The following ARHGEF18 variants were observed in gnomAD, a reference collection of about 807,000 sequenced individuals.
ARHGEF18 encodes the protein rho guanine nucleotide exchange factor 18.
In ARHGEF18, 93 loss-of-function variants were observed where a neutral mutation model predicts 155.7. The observed-to-expected ratio is 0.60, with a 90% CI of 0.50 to 0.71. ARHGEF18 has a LOEUF of 0.71. ARHGEF18 is among the 30% of genes least tolerant of loss of function. The pLI, the probability that ARHGEF18 is intolerant of heterozygous loss-of-function variation, is 0.00. For missense variants in ARHGEF18, 1,593 were observed against 1,816.1 expected (o/e 0.88, Z 2.23); for synonymous variants, 742 against 753.1 (o/e 0.99, Z 0.24).
intron 3 of ARHGEF18, among the ~76,000 whole-genome samples, chr19:7,374,691 GA>G (rs59225358): frequency 0.2 from 29,665 of 147,418 alleles, 6,669 homozygotes; most frequent in African/African-American, 0.55. Context: ...AAAAAAGGAA[GA>G]AAAAAAAATC....
chr19:7,473,398 C>T (rs1256678012), downstream of ARHGEF18: 3 of 421,866 alleles, frequency 7.1e-6, no homozygotes, highest in East Asian at 7.1e-5. Flanking sequence ...CACAGTGGCT[C>T]ATCCCTGTAA....
At chr19:7,447,333 CA>C (rs1357842115) in intron 15 of ARHGEF18, among the ~76,000 whole-genome samples, 165 bp downstream of exon 15, 8 of 151,286 alleles carry the variant, frequency 5.3e-5, no homozygotes, top group Non-Finnish European at 7.4e-5. Context: ...TATTAAAATA[CA>C]AAAAATTAGC....
chr19:7,414,088 G>A lies in ARHGEF18; in HGVS notation c.968-26256G>A, dbSNP rs555491116. ...CTAGATACTGTAGGCATTTGGGGCC[G>A]GATCATTCTTTGGGATGGGACCTAC... On this transcript the variant is annotated intron_variant, in intron 10 of 28. Coordinates refer to ENST00000668164, the MANE Select transcript of ARHGEF18 (RefSeq NM_001367823.1). Among the ~76,000 whole-genome samples the A allele has an allele frequency of 8.0e-4, 122 of 152,186 alleles. 1 individual carries two copies. Among genetic ancestry groups the A allele is most frequent in the Admixed American group, 5.9e-4 (9 of 15,272 alleles).
At chr19:7,390,551 G>GA (rs1456074415) in intron 10 of ARHGEF18, 1 of 144,578 alleles carries the variant, frequency 6.9e-6, no homozygotes, top group African/African-American at 2.5e-5. Flanking sequence ...AGAAAAGAAA[G>GA]AAAAATGATG....
intron 10 of ARHGEF18, among the ~76,000 whole-genome samples, chr19:7,416,578 T>TGTGTGTGTG (rs1555714166): frequency 6.0e-5 from 8 of 132,500 alleles, no homozygotes; most frequent in African/African-American, 9.1e-5. Flanking sequence ...TGTGTGTGTG[T>TGTGTGTGTG]TTTGGGGTGG....
chr19:7,364,843 G>A (rs1284554760), intron 2 of ARHGEF18, among the ~76,000 whole-genome samples: 1 of 152,200 alleles, frequency 6.6e-6, no homozygotes, highest in African/African-American at 2.4e-5. Context: ...GACCAAGACA[G>A]TCAGGTGGTG....
chr19:7,417,712 A>G (rs551770409), intron 10 of ARHGEF18, among the ~76,000 whole-genome samples: 44 of 152,270 alleles, frequency 2.9e-4, no homozygotes, highest in African/African-American at 1.1e-3. Flanking sequence ...AAATAAAATG[A>G]AAAAGAAGAT....
rs867994816 is a variant in ARHGEF18 at position 7,430,150 on chromosome 19, G to T, written c.968-10194G>T. On this transcript the variant is annotated intron_variant, in intron 10 of 28. Transcript: ENST00000668164. ...TTTTCTGCTCCAGAATCCAGCTCAGGCTCCCACATTGCACTTGGTGGATTT... is the reference window on the plus strand; with the variant it reads ...TTTTCTGCTCCAGAATCCAGCTCAGTCTCCCACATTGCACTTGGTGGATTT... Among the ~76,000 whole-genome samples, 19 of 152,034 alleles carry T rather than the reference G, an allele frequency of 1.2e-4. No individual in the cohort carries two copies. In the Middle Eastern group the frequency reaches 0.014, roughly 109 times the overall value.
At chr19:7,469,782 C>T (rs1976900567) in intron 27 of ARHGEF18, 122 bp from the exon 28 acceptor site, 1 of 1,236,818 alleles carries the variant, frequency 8.1e-7, no homozygotes, top group Non-Finnish European at 1.1e-6. Context: ...GTCACGGGAT[C>T]CAGGCCGCCC....
chr19:7,418,703 G>T (rs142857556), intron 10 of ARHGEF18, among the ~76,000 whole-genome samples: 1 of 152,198 alleles, frequency 6.6e-6, no homozygotes, highest in East Asian at 1.9e-4. Flanking sequence ...CCCGGGCAGC[G>T]TGGCTGCGAT....
intron 16 of ARHGEF18, among the ~76,000 whole-genome samples, chr19:7,451,529 G>A (rs116471261): frequency 0.012 from 1,764 of 150,690 alleles, 31 homozygotes; most frequent in African/African-American, 0.033. Flanking sequence ...TTCTACCTCA[G>A]CCTCCCAAGC....
intron 10 of ARHGEF18, among the ~76,000 whole-genome samples, chr19:7,426,024 A>T (rs1301032753): frequency 6.6e-6 from 1 of 151,566 alleles, no homozygotes; most frequent in Non-Finnish European, 1.5e-5. Context: ...ATAAGAAAAT[A>T]GGAAATTAGC....
chr19:7,376,687 T>C lies in ARHGEF18; in HGVS notation c.471T>C (p.Pro157=). ...AAAGAGGGAGGTCAAGGTCCGTTCCTGTGTCCTTCTATGAGATCCGCTCTC... is the reference window on the plus strand; with the variant it reads ...AAAGAGGGAGGTCAAGGTCCGTTCCCGTGTCCTTCTATGAGATCCGCTCTC... ...PKKRGRSRSV[P]VSFYEIRSPE... Residue 157 remains proline, a synonymous_variant, in exon 5 of 29, where the codon CCT becomes CCC. Coordinates refer to ENST00000668164, the MANE Select transcript of ARHGEF18 (RefSeq NM_001367823.1). The C allele has an allele frequency of 1.6e-6, 2 of 1,234,482 alleles. No individual in the cohort carries two copies. The highest frequency in any genetic ancestry group is 8.2e-5 in the South Asian group (2 of 24,416). The allele number at this position is 1,234,482 out of a possible 1,614,324, so 76.5% of individuals were successfully genotyped here. A position where few individuals can be genotyped will look rare whatever the true frequency, so the allele number is the denominator to read the frequency against.
intron 2 of ARHGEF18, among the ~76,000 whole-genome samples, chr19:7,368,648 C>T (rs1003982346): frequency 6.6e-6 from 1 of 152,154 alleles, no homozygotes; most frequent in African/African-American, 2.4e-5. Context: ...AAGAGGGAGG[C>T]TCAGCCAGGC....
intron 16 of ARHGEF18, 145 bp from the exon 17 acceptor site, chr19:7,453,322 G>T: frequency 1.2e-6 from 1 of 861,634 alleles, no homozygotes; most frequent in East Asian, 2.9e-5. Context: ...TGGTGGCCTT[G>T]GAGAACACAC....
downstream of ARHGEF18, chr19:7,472,765 T>A: frequency 2.9e-6 from 1 of 349,994 alleles, no homozygotes; most frequent in South Asian, 2.1e-5. Context: ...AGTGGCAGGT[T>A]CTCAGCTCAC....
At chr19:7,371,862 T>A (rs1362867364) in intron 2 of ARHGEF18, among the ~76,000 whole-genome samples, 1 of 151,538 alleles carries the variant, frequency 6.6e-6, no homozygotes, top group Non-Finnish European at 1.5e-5. Flanking sequence ...ATGTGATGTG[T>A]ATTTCACTGG....
In ARHGEF18 at chr19:7,361,991, G is replaced by GGAAGAAGAA. The variant is rs1185709548; in HGVS notation, c.-110-773_-110-765dup. On this transcript the variant is annotated intron_variant, in intron 1 of 28. Transcript: ENST00000668164. ...TGGGGGCAACAGAGCAAGACTCTGT[G>GGAAGAAGAA]GAAGAAGAAGAAGAAGAAGAAGAAG... 1.8e-4 allele frequency among the ~76,000 whole-genome samples: 14 copies of GGAAGAAGAA among 79,218 alleles called. 1 individual carries two copies. The highest frequency in any genetic ancestry group is 1.4e-3 in the East Asian group (3 of 2,094). 52.0% of individuals were successfully genotyped at this position (79,218 alleles called of 152,430 possible).
At position 7,434,429 on chromosome 19, in the gene ARHGEF18, G is replaced by A. The variant is rs531548078; in HGVS notation, c.968-5915G>A. Among the ~76,000 whole-genome samples, 16 of 152,174 alleles carry A rather than the reference G, an allele frequency of 1.1e-4. No homozygotes were observed. The East Asian group carries it at 1.4e-3, about 13-fold the overall frequency. ...GGTCAGAACTGTTTTGATTTTCACC[G>A]TTCACCTCTTTCCATCCATCCTCCA... On this transcript the variant is annotated intron_variant, in intron 10 of 28. Coordinates refer to ENST00000668164, the MANE Select transcript of ARHGEF18 (RefSeq NM_001367823.1).
Sources: allele counts gnomAD v4.1 joint callset (sites outside exome capture counted in the v4.1 genomes callset), GRCh38; gene constraint gnomAD v4.1.1; transcripts MANE v1.5; gene names NCBI Gene and HGNC (gene_info 2026-07-23, HGNC 2026-07-21).